The following VMP1 variants were observed in gnomAD, a reference collection of about 807,000 sequenced individuals.
VMP1 encodes the protein ectopic P-granules autophagy protein 3 homolog.
A neutral mutation model predicts 56.0 loss-of-function variants in VMP1; 11 were observed. The observed-to-expected ratio is 0.20, with a 90% CI of 0.12 to 0.32. The LOEUF is 0.32. Ranked by LOEUF, VMP1 falls within the 10% of genes least tolerant of loss-of-function variation. VMP1 has a pLI of 1.00. For synonymous variants in VMP1, 149 were observed against 165.0 expected, an observed-to-expected ratio of 0.90 and a Z score of 0.74; for missense variants, 296 against 490.3, an observed-to-expected ratio of 0.60 and a Z score of 3.74.
intron 7 of VMP1, among the ~76,000 whole-genome samples, chr17:59,799,939 T>G (rs2037580628): frequency 1.1e-5 from 1 of 93,868 alleles, no homozygotes. Context: ...GAGTGAGACT[T>G]CCTCTCAAAA....
In VMP1 at chr17:59,808,796, G is replaced by A. The variant is rs2037938050; in HGVS notation, c.715G>A (p.Asp239Asn). 1 of 1,613,058 alleles carries A rather than the reference G, an allele frequency of 6.2e-7. No homozygotes were observed. Among genetic ancestry groups the A allele is most frequent in the African/African-American group, 1.3e-5 (1 of 74,794 alleles). Residue 239 changes from aspartate (D) to asparagine (N), a missense_variant and splice_region_variant, in exon 8 of 12, where the codon GAC becomes AAC. Coordinates refer to ENST00000262291, the MANE Select transcript of VMP1 (RefSeq NM_030938.5). ...TGTTTCTAAATTTGCCTTTTTACAG[G>A]ACTTTGCCTCCCGGGCCAAACTGGC... is the stretch of plus-strand genomic sequence containing the variant. ...EMLEHAESAQ[D>N]FASRAKLAVQ...
At chr17:59,780,734 C>T (rs1343642470) in intron 7 of VMP1, among the ~76,000 whole-genome samples, 2 of 152,018 alleles carry the variant, frequency 1.3e-5, no homozygotes, top group African/African-American at 2.4e-5. Flanking sequence ...TTATAGGCGT[C>T]CACCACCACG....
intron 6 of VMP1, among the ~76,000 whole-genome samples, chr17:59,770,018 G>A (rs1372917748): frequency 3.3e-5 from 5 of 152,152 alleles, no homozygotes; most frequent in Admixed American, 1.3e-4. Context: ...CATAATAAGA[G>A]AGTACTGACT....
intron 7 of VMP1, among the ~76,000 whole-genome samples, chr17:59,786,823 G>A (rs1312835721): frequency 6.6e-6 from 1 of 152,166 alleles, no homozygotes; most frequent in Non-Finnish European, 1.5e-5. Flanking sequence ...CTGCTTGCAG[G>A]ATCTCTTGCT....
intron 7 of VMP1, among the ~76,000 whole-genome samples, chr17:59,794,026 T>G (rs2037337056): frequency 6.6e-6 from 1 of 151,340 alleles, no homozygotes; most frequent in Non-Finnish European, 1.5e-5. Flanking sequence ...GTTCATGCCA[T>G]TCTCCTGCCC....
intron 1 of VMP1, among the ~76,000 whole-genome samples, chr17:59,717,610 T>G (rs1472889386): frequency 6.6e-6 from 1 of 152,158 alleles, no homozygotes; most frequent in Admixed American, 6.5e-5. Flanking sequence ...CTGGAACTCC[T>G]GGCCTCAAAC....
chr17:59,777,885 G>A (rs912762164), intron 7 of VMP1, among the ~76,000 whole-genome samples: 4 of 152,032 alleles, frequency 2.6e-5, no homozygotes, highest in Non-Finnish European at 2.9e-5. Context: ...TCTGATAGGT[G>A]CTCAGAAAAC....
intron 7 of VMP1, among the ~76,000 whole-genome samples, chr17:59,802,731 A>T (rs1338677541): frequency 6.6e-6 from 1 of 151,904 alleles, no homozygotes; most frequent in Non-Finnish European, 1.5e-5. Flanking sequence ...ACGCCTAGCT[A>T]ATTTTCTGGG....
intron 7 of VMP1, among the ~76,000 whole-genome samples, chr17:59,807,191 G>GT (rs1457969471): frequency 2.2e-4 from 32 of 142,788 alleles, no homozygotes; most frequent in African/African-American, 6.6e-4. Flanking sequence ...CTTCTTTTTT[G>GT]TTTTTTTGTT....
chr17:59,799,276 T>A (rs1157480174), intron 7 of VMP1, among the ~76,000 whole-genome samples: 2 of 152,204 alleles, frequency 1.3e-5, no homozygotes, highest in African/African-American at 4.8e-5. Context: ...ATGAAATGTG[T>A]TCATGTGATG....
chr17:59,784,560 C>T (rs1284664821), intron 7 of VMP1, among the ~76,000 whole-genome samples: 1 of 152,136 alleles, frequency 6.6e-6, no homozygotes, highest in Non-Finnish European at 1.5e-5. Flanking sequence ...GTCTAAACTC[C>T]TTAAGAAGGG....
chr17:59,754,606 T>G (rs2035768333), intron 5 of VMP1, among the ~76,000 whole-genome samples: 2 of 152,216 alleles, frequency 1.3e-5, no homozygotes, highest in Non-Finnish European at 2.9e-5. Context: ...AAGGCTGTGG[T>G]GTGACTTGAT....
chr17:59,724,217 AAAAAAAAAAG>A (rs1219120554), intron 1 of VMP1, among the ~76,000 whole-genome samples: 2 of 151,182 alleles, frequency 1.3e-5, no homozygotes, highest in African/African-American at 4.9e-5. Context: ...GTCTCAAAAA[AAAAAAAAAAG>A]AAAGAAAAGA....
chr17:59,808,119 A>G (rs2037914643), intron 7 of VMP1, among the ~76,000 whole-genome samples: 1 of 152,216 alleles, frequency 6.6e-6, no homozygotes, highest in African/African-American at 2.4e-5. Flanking sequence ...TGAAGTAAAA[A>G]GCACTGATTT....
At chr17:59,745,998 C>G (rs1318583584) in intron 5 of VMP1, among the ~76,000 whole-genome samples, 1 of 151,990 alleles carries the variant, frequency 6.6e-6, no homozygotes, top group Non-Finnish European at 1.5e-5. Flanking sequence ...ATGAATGATT[C>G]CTAGAGTGTG....
chr17:59,785,615 G>A (rs979971091), intron 7 of VMP1, among the ~76,000 whole-genome samples: 2 of 150,048 alleles, frequency 1.3e-5, no homozygotes, highest in Admixed American at 6.7e-5. Context: ...GCTTGAACCC[G>A]AGAGGCAGAG....
chr17:59,756,311 T>G (rs2035841297), intron 5 of VMP1, among the ~76,000 whole-genome samples: 1 of 152,162 alleles, frequency 6.6e-6, no homozygotes, highest in Admixed American at 6.5e-5. Flanking sequence ...AAACAACCAT[T>G]TTTCATCTTT....
At chr17:59,742,755 C>G (rs1158905340) in intron 5 of VMP1, among the ~76,000 whole-genome samples, 1 of 152,062 alleles carries the variant, frequency 6.6e-6, no homozygotes, top group Non-Finnish European at 1.5e-5. Flanking sequence ...TGCAGCCGCT[C>G]CCCATCACTC....
At chr17:59,804,932 G>A (rs2037797105) in intron 7 of VMP1, among the ~76,000 whole-genome samples, 1 of 152,122 alleles carries the variant, frequency 6.6e-6, no homozygotes, top group Non-Finnish European at 1.5e-5. Context: ...AGAATATTGT[G>A]AAAGACCTGG....
Sources: gnomAD v4.1 joint callset for allele counts (sites outside exome capture counted in the v4.1 genomes callset) on GRCh38, gnomAD v4.1.1 for gene constraint, MANE v1.5 for transcripts, NCBI Gene and HGNC (gene_info 2026-07-23, HGNC 2026-07-21) for gene names.